ABCC2: variants seen among roughly 807,000 people sequenced by gnomAD.
ABCC2 encodes the protein ATP binding cassette subfamily C member 2, also known as ATP-binding cassette sub-family C member 2.
In ABCC2, 157 loss-of-function variants were observed where a neutral mutation model predicts 173.4. The observed-to-expected ratio is 0.91, with a 90% CI of 0.80 to 1.03. ABCC2 has a LOEUF of 1.03. ABCC2 is among the 50% of genes least tolerant of loss of function. The probability of loss-of-function intolerance (pLI) is 0.00; values close to 1 mark genes in which losing one functional copy is unlikely to be tolerated. For synonymous variants in ABCC2, 657 were observed against 693.5 expected (o/e 0.95, Z 0.83); for missense variants, 1,822 against 1,852.3 (o/e 0.98, Z 0.30).
At chr10:99,829,341 C>T (rs2038699149) in intron 19 of ABCC2, among the ~76,000 whole-genome samples, 1 of 152,114 alleles carries the variant, frequency 6.6e-6, no homozygotes, top group Non-Finnish European at 1.5e-5. Flanking sequence ...AGTTAAACTG[C>T]CACAAAACTT....
chr10:99,842,018 A>G lies in ABCC2; in HGVS notation c.3666A>G (p.Ser1222=), dbSNP rs1050355566. 6.2e-7 allele frequency: 1 copy of G among 1,614,184 alleles called. No homozygotes were observed. Among genetic ancestry groups the G allele is most frequent in the Non-Finnish European group, 8.5e-7 (1 of 1,180,030 alleles). The part of the protein sequence containing the change: ...ELVGNLTVFF[S]ALMMVIYRDT... ...TTGGGAACCTGACTGTCTTCTTTTC[A>G]GCCTTGATGATGGTTATTTATAGAG... Residue 1222 remains serine (S), a synonymous_variant, in exon 26 of 32, where the codon TCA becomes TCG. Transcript: ENST00000647814.
At chr10:99,807,346 G>C in intron 11 of ABCC2, 38 bp from the exon 12 acceptor site, 1 of 1,613,832 alleles carries the variant, frequency 6.2e-7, no homozygotes, top group African/African-American at 1.3e-5. Context: ...CCCTTTCAGG[G>C]GCAATCATGT....
intron 15 of ABCC2, among the ~76,000 whole-genome samples, chr10:99,812,575 A>T (rs944879220): frequency 1.3e-5 from 2 of 152,194 alleles, no homozygotes; most frequent in Non-Finnish European, 2.9e-5. Context: ...ATGTTAATCT[A>T]GTCCAATCCC....
At chr10:99,839,190 A>G (rs1171795577) in intron 25 of ABCC2, among the ~76,000 whole-genome samples, 50 of 38,614 alleles carry the variant, frequency 1.3e-3, no homozygotes, top group Admixed American at 3.4e-3. Context: ...GCGGGGGGCC[A>G]ACCCCCCCAC....
At position 99,841,987 on chromosome 10, in the gene ABCC2, A is replaced by AG. The variant is rs766573679; in HGVS notation, c.3636dup (p.Leu1213AlafsTer18). ...CACAGGTGGCTTGCAATTCGCCTGG[A>AG]GCTGGTTGGGAACCTGACTGTCTTC... On this transcript the variant is annotated frameshift_variant, in exon 26 of 32. Transcript: ENST00000647814. LOFTEE classifies it high-confidence loss of function. 2.0e-5 allele frequency: 33 copies of AG among 1,614,164 alleles called. No homozygotes were observed. In the South Asian group the frequency reaches 3.5e-4, roughly 17 times the overall value.
chr10:99,818,115 C>T (rs919829800), intron 17 of ABCC2, among the ~76,000 whole-genome samples: 4 of 151,472 alleles, frequency 2.6e-5, no homozygotes, highest in African/African-American at 7.3e-5. Flanking sequence ...CCCAGCTACT[C>T]GGGAGGCTGA....
Position 99,814,605 on chromosome 10 carries a change from A to G in ABCC2, c.2094+1461A>G, listed in dbSNP as rs879062449. Among the ~76,000 whole-genome samples, 22 of 98,698 alleles carry G rather than the reference A, an allele frequency of 2.2e-4. 3 individuals are homozygous for G. The highest frequency in any genetic ancestry group is 7.5e-4 in the African/African-American group (20 of 26,740). The allele number at this position is 98,698 out of a possible 152,430, so 64.7% of individuals were successfully genotyped here. A position where few individuals can be genotyped will look rare whatever the true frequency, so the allele number is the denominator to read the frequency against. On this transcript the variant is annotated intron_variant, in intron 16 of 31. Transcript: ENST00000647814. ...TGTATATACACATATACACACACAT[A>G]TGTGTATATACACATATACACACAT...
rs6584327 is a variant in ABCC2, at chr10:99,797,572, A to C, written c.867+241A>C. 296,419 of 502,930 alleles carry C rather than the reference A, an allele frequency of 0.59. 88,585 individuals carry two copies. The highest frequency in any genetic ancestry group is 0.78 in the East Asian group (21,447 of 27,670). 31.2% of individuals were successfully genotyped at this position (502,930 alleles called of 1,614,324 possible). On this transcript the variant is annotated intron_variant, in intron 7 of 31. Transcript: ENST00000647814. Reference sequence around the variant, plus strand: ...TTCCAGAATGAAACGTGGTTTTGAAAAAAATAATACCTTAGCATTTCTAGA... The same window carrying C: ...TTCCAGAATGAAACGTGGTTTTGAACAAAATAATACCTTAGCATTTCTAGA...
chr10:99,838,203 T>C (rs1189932567), intron 25 of ABCC2, among the ~76,000 whole-genome samples: 7 of 30,050 alleles, frequency 2.3e-4, no homozygotes, highest in Admixed American at 5.8e-4. Context: ...GGCGGGGGGC[T>C]GACCCCCCCA....
chr10:99,792,195 A>T, intron 2 of ABCC2, 39 bp from the exon 3 acceptor site: 2 of 1,613,010 alleles, frequency 1.2e-6, no homozygotes, highest in Non-Finnish European at 1.7e-6. Flanking sequence ...CCTTATAAAG[A>T]ATGATATCCT....
At position 99,847,075 on chromosome 10, in the gene ABCC2, A is replaced by G. The variant is rs760277974; in HGVS notation, c.4261A>G (p.Ser1421Gly). The change falls in exon 30 of 32, where the codon AGC (serine) becomes GGC (glycine). Residue 1421 changes from serine (S) to glycine (G), a missense_variant. Transcript: ENST00000647814. ...ELAHLKSFVA[S>G]LQLGLSHEVT... ...GGCTCACCTCAAGTCTTTTGTGGCC[A>G]GCCTGCAACTTGGGTTATCCCACGA... 2 of 1,614,196 alleles carry G rather than the reference A, an allele frequency of 1.2e-6. No homozygotes were observed. Among genetic ancestry groups the G allele is most frequent in the Non-Finnish European group, 1.7e-6 (2 of 1,180,038 alleles).
chr10:99,843,168 C>T (rs954693371), intron 26 of ABCC2, among the ~76,000 whole-genome samples: 2 of 152,164 alleles, frequency 1.3e-5, no homozygotes, highest in Admixed American at 6.5e-5. Flanking sequence ...TTTCATACCC[C>T]CATTTCTAGG....
chr10:99,818,982 AG>A, intron 18 of ABCC2, 25 bp downstream of exon 18: 1 of 1,568,564 alleles, frequency 6.4e-7, no homozygotes, highest in Non-Finnish European at 8.7e-7. Context: ...AACATGATGA[AG>A]ATATAAAGGT....
Position 99,842,680 on chromosome 10 carries a change from GAACTAATTTTTT to G in ABCC2, c.3741+588_3741+599del, listed in dbSNP as rs564112144. 1.1e-4 allele frequency among the ~76,000 whole-genome samples: 16 copies of G among 152,154 alleles called. No individual in the cohort carries two copies. The South Asian group carries it at 3.3e-3, about 32-fold the overall frequency. On this transcript the variant is annotated intron_variant, in intron 26 of 31. Coordinates refer to ENST00000647814, the MANE Select transcript of ABCC2 (RefSeq NM_000392.5). Reference sequence around the variant, plus strand: ...AAATGAGTCATTTGACCATCTTTTTGAACTAATTTTTTTAGTTCAAAGAGATTTGCATAGTTA... The same window carrying G: ...AAATGAGTCATTTGACCATCTTTTTGTAGTTCAAAGAGATTTGCATAGTTA...
intron 6 of ABCC2, among the ~76,000 whole-genome samples, chr10:99,795,787 G>GAAA (rs777631477): frequency 2.8e-5 from 4 of 144,002 alleles, no homozygotes; most frequent in African/African-American, 1.1e-4. Context: ...AAGAAAGAAA[G>GAAA]AAAGAAAGAA....
intron 23 of ABCC2, 82 bp from the exon 24 acceptor site, chr10:99,834,298 G>C: frequency 1.4e-6 from 2 of 1,419,060 alleles, no homozygotes. Context: ...GAATCCAACA[G>C]ATTCCTTGCT....
At chr10:99,787,895 C>A (rs1333427198) in intron 2 of ABCC2, among the ~76,000 whole-genome samples, 2 of 151,818 alleles carry the variant, frequency 1.3e-5, no homozygotes, top group Non-Finnish European at 2.9e-5. Context: ...AGACCGATCT[C>A]TACAAAAAAT....
At chr10:99,805,578 A>C (rs773649141) in intron 11 of ABCC2, 131 bp downstream of exon 11, 5 of 908,974 alleles carry the variant, frequency 5.5e-6, no homozygotes, top group Non-Finnish European at 9.2e-6. Context: ...CTTTTGTTTC[A>C]TGTCCTCCTG....
intron 24 of ABCC2, 104 bp from the exon 25 acceptor site, chr10:99,835,987 T>A (rs2038814096): frequency 1.8e-6 from 2 of 1,124,294 alleles, no homozygotes; most frequent in East Asian, 4.8e-5. Flanking sequence ...AGACGTAAGC[T>A]GTGCCCATCA....
Sources: gnomAD v4.1 joint callset for allele counts (sites outside exome capture counted in the v4.1 genomes callset) on GRCh38, gnomAD v4.1.1 for gene constraint, MANE v1.5 for transcripts, NCBI Gene and HGNC (gene_info 2026-07-23, HGNC 2026-07-21) for gene names.